MINDY4: variants seen among roughly 807,000 people sequenced by gnomAD.
MINDY4 encodes the protein probable ubiquitin carboxyl-terminal hydrolase MINDY-4.
In MINDY4, 68 loss-of-function variants were observed where a neutral mutation model predicts 87.0. The observed-to-expected ratio is 0.78, with a 90% CI of 0.64 to 0.96. MINDY4 has a LOEUF of 0.96. Ranked by LOEUF, MINDY4 falls within the 40% of genes least tolerant of loss-of-function variation. The probability of loss-of-function intolerance (pLI) is 0.00; values close to 1 mark genes in which losing one functional copy is unlikely to be tolerated. For missense variants in MINDY4, 919 were observed against 928.2 expected (o/e 0.99, Z 0.13); for synonymous variants, 379 against 363.2 (o/e 1.04, Z -0.50).
chr7:30,772,380 C>T (rs912454286), intron 1 of MINDY4, among the ~76,000 whole-genome samples: 4 of 152,166 alleles, frequency 2.6e-5, no homozygotes, highest in Admixed American at 1.3e-4. Flanking sequence ...TGAAGTCAGA[C>T]GGAGACAATT....
chr7:30,812,271 AGG>A (rs57391101), intron 5 of MINDY4, among the ~76,000 whole-genome samples: 2 of 55,914 alleles, frequency 3.6e-5, no homozygotes, highest in Admixed American at 1.4e-4. Flanking sequence ...ATGTGTGTTG[AGG>A]GGGGGGGGGT....
chr7:30,802,230 A>G (rs1052996295), intron 5 of MINDY4, among the ~76,000 whole-genome samples: 3 of 151,718 alleles, frequency 2.0e-5, no homozygotes, highest in African/African-American at 7.3e-5. Flanking sequence ...TAGGACCAGA[A>G]CAAGGCTGAG....
intron 5 of MINDY4, among the ~76,000 whole-genome samples, chr7:30,808,035 C>T (rs112512800): frequency 0.092 from 14,013 of 152,210 alleles, 940 homozygotes; most frequent in South Asian, 0.18. Flanking sequence ...GATTAATGGA[C>T]GGTCAAGGCA....
chr7:30,868,985 C>G (rs912354559), intron 13 of MINDY4, among the ~76,000 whole-genome samples: 5 of 152,236 alleles, frequency 3.3e-5, no homozygotes, highest in African/African-American at 1.2e-4. Context: ...TCAAGCCCAT[C>G]TCTCCTTTGT....
At chr7:30,877,635 C>T (rs1285440094) in intron 15 of MINDY4, among the ~76,000 whole-genome samples, 3 of 151,794 alleles carry the variant, frequency 2.0e-5, no homozygotes, top group Admixed American at 1.3e-4. Context: ...GACTCAGGGC[C>T]CAGCAGCTCA....
intron 5 of MINDY4, among the ~76,000 whole-genome samples, chr7:30,812,849 CA>C: frequency 6.6e-6 from 1 of 152,136 alleles, no homozygotes; most frequent in Admixed American, 6.5e-5. Flanking sequence ...CCTTTGATTC[CA>C]CCCCCATCGT....
intron 9 of MINDY4, among the ~76,000 whole-genome samples, chr7:30,844,580 G>A (rs1467926498): frequency 2.0e-5 from 3 of 152,190 alleles, no homozygotes; most frequent in Admixed American, 6.5e-5. Flanking sequence ...GCCTGCTGTC[G>A]GGGGCCTGGA....
chr7:30,774,288 C>T (rs1786737249), intron 1 of MINDY4, among the ~76,000 whole-genome samples: 1 of 152,222 alleles, frequency 6.6e-6, no homozygotes, highest in Non-Finnish European at 1.5e-5. Context: ...CTGGGCTGCA[C>T]CATTCACTCT....
At chr7:30,805,174 G>A (rs984379481) in intron 5 of MINDY4, among the ~76,000 whole-genome samples, 1 of 152,224 alleles carries the variant, frequency 6.6e-6, no homozygotes, top group South Asian at 2.1e-4. Flanking sequence ...GAAGGCAAGT[G>A]GGCTCTGGCC....
intron 4 of MINDY4, among the ~76,000 whole-genome samples, chr7:30,790,451 T>G (rs75925058): frequency 0.013 from 1,710 of 131,662 alleles, 37 homozygotes; most frequent in African/African-American, 0.049. Context: ...TTTTGGGATT[T>G]ATTTATTTAT....
intron 1 of MINDY4, among the ~76,000 whole-genome samples, chr7:30,771,980 CAAAAGCCCAG>C (rs534352013): frequency 6.6e-6 from 1 of 152,260 alleles, no homozygotes; most frequent in Non-Finnish European, 1.5e-5. Context: ...GAGGGAACCC[CAAAAGCCCAG>C]AAAAGTTCTT....
intron 12 of MINDY4, 152 bp downstream of exon 12, chr7:30,853,611 G>T: frequency 1.4e-6 from 1 of 716,362 alleles, no homozygotes. Flanking sequence ...CCCTGGTTGG[G>T]GGCTGAGGAG....
At chr7:30,871,923 A>T (rs1335494067) in intron 13 of MINDY4, among the ~76,000 whole-genome samples, 1 of 152,176 alleles carries the variant, frequency 6.6e-6, no homozygotes, top group Admixed American at 6.5e-5. Context: ...AGGACACTGG[A>T]TTCCAAACCC....
chr7:30,839,836 G>A (rs749442550), intron 8 of MINDY4, among the ~76,000 whole-genome samples: 4 of 152,220 alleles, frequency 2.6e-5, no homozygotes, highest in Non-Finnish European at 5.9e-5. Context: ...CTGGGCCAGC[G>A]GAGGCCAATG....
At chr7:30,888,937 A>G (rs1332872778) in intron 17 of MINDY4, among the ~76,000 whole-genome samples, 2 of 152,176 alleles carry the variant, frequency 1.3e-5, no homozygotes, top group Non-Finnish European at 1.5e-5. Flanking sequence ...TCACCCCTGC[A>G]CTGAAGCAGC....
At chr7:30,843,298 G>T (rs1461110247) in intron 9 of MINDY4, among the ~76,000 whole-genome samples, 1 of 152,230 alleles carries the variant, frequency 6.6e-6, no homozygotes, top group Admixed American at 6.5e-5. Context: ...GTCACTGGGG[G>T]TGGTTAGGGC....
At chr7:30,854,146 G>A (rs1057380201) in intron 12 of MINDY4, among the ~76,000 whole-genome samples, 1 of 152,192 alleles carries the variant, frequency 6.6e-6, no homozygotes, top group African/African-American at 2.4e-5. Flanking sequence ...TAAAGAACAC[G>A]GTCTCTGGAG....
intron 5 of MINDY4, among the ~76,000 whole-genome samples, chr7:30,818,844 T>A (rs1788239116): frequency 1.3e-5 from 2 of 152,338 alleles, no homozygotes; most frequent in South Asian, 4.1e-4. Flanking sequence ...ATCTGTCAGT[T>A]TTCAGATGTA....
At chr7:30,819,976 A>T (rs914070697) in intron 5 of MINDY4, among the ~76,000 whole-genome samples, 11 of 128,534 alleles carry the variant, frequency 8.6e-5, no homozygotes, top group Non-Finnish European at 1.5e-4. Context: ...ATCTCGGCTC[A>T]CTGCAAGCTC....
Sources: allele counts gnomAD v4.1 joint callset (sites outside exome capture counted in the v4.1 genomes callset), GRCh38; gene constraint gnomAD v4.1.1; transcripts MANE v1.5; gene names NCBI Gene and HGNC (gene_info 2026-07-23, HGNC 2026-07-21).